The following SLX4IP variants were observed in gnomAD, a reference collection of about 807,000 sequenced individuals.
SLX4IP encodes SLX4 interacting protein.
A neutral mutation model predicts 32.9 loss-of-function variants in SLX4IP; 34 were observed. The observed-to-expected ratio is 1.03, with a 90% confidence interval of 0.79 to 1.38. The LOEUF is 1.38. SLX4IP is among the 40% of genes most tolerant of loss of function. The pLI is 0.00. For synonymous variants in SLX4IP, 172 were observed against 171.7 expected (o/e 1.00, Z -0.01); for missense variants, 444 against 479.0 (o/e 0.93, Z 0.68).
intron 2 of SLX4IP, among the ~76,000 whole-genome samples, chr20:10,503,487 G>A (rs568577269): frequency 6.6e-6 from 1 of 152,294 alleles, no homozygotes; most frequent in East Asian, 1.9e-4. Flanking sequence ...TGCCATGGGA[G>A]GATTTGATGT....
At chr20:10,473,216 C>T (rs1239541693) in intron 2 of SLX4IP, among the ~76,000 whole-genome samples, 2 of 152,140 alleles carry the variant, frequency 1.3e-5, no homozygotes, top group Non-Finnish European at 2.9e-5. Flanking sequence ...ATAGGTGAGA[C>T]TGGGCATGCA....
chr20:10,523,232 A>G (rs976988649), intron 2 of SLX4IP, among the ~76,000 whole-genome samples: 3 of 152,154 alleles, frequency 2.0e-5, no homozygotes, highest in Admixed American at 2.0e-4. Flanking sequence ...ACCACGAGAT[A>G]CTGTGACAGT....
chr20:10,610,759 T>TTGA (rs1480890853), intron 6 of SLX4IP, among the ~76,000 whole-genome samples: 2 of 152,266 alleles, frequency 1.3e-5, no homozygotes, highest in African/African-American at 4.8e-5. Flanking sequence ...CTCAGTTCCC[T>TTGA]TGAGTCAATA....
intron 2 of SLX4IP, among the ~76,000 whole-genome samples, chr20:10,495,863 G>A (rs2065662972): frequency 6.6e-6 from 1 of 151,916 alleles, no homozygotes; most frequent in East Asian, 1.9e-4. Context: ...CATTCTCTCT[G>A]ATAAGTGGCA....
chr20:10,594,899 T>TC (rs1248135484), intron 4 of SLX4IP, among the ~76,000 whole-genome samples: 1 of 152,154 alleles, frequency 6.6e-6, no homozygotes, highest in East Asian at 1.9e-4. Flanking sequence ...TGACCACCTC[T>TC]CCATTTTTTT....
At chr20:10,480,290 G>A (rs541267309) in intron 2 of SLX4IP, among the ~76,000 whole-genome samples, 173 of 152,122 alleles carry the variant, frequency 1.1e-3, no homozygotes, top group African/African-American at 4.1e-3. Context: ...AGCTACTGGG[G>A]GATTGGGGCC....
chr20:10,465,786 G>A lies in SLX4IP; in HGVS notation c.27+7555G>A, dbSNP rs545705734. ...ATTCCAAAGTGATGGGATTATAGGCGTGAGCCACTGTGCCCGGCCTACAAA... is the reference window on the plus strand; with the variant it reads ...ATTCCAAAGTGATGGGATTATAGGCATGAGCCACTGTGCCCGGCCTACAAA... On this transcript the variant is annotated intron_variant, in intron 2 of 7. Coordinates refer to ENST00000334534, the MANE Select transcript of SLX4IP (RefSeq NM_001009608.3). Among the ~76,000 whole-genome samples, 721 of 152,344 alleles carry A rather than the reference G, an allele frequency of 4.7e-3. 16 individuals are homozygous for A. The South Asian group carries it at 0.069, about 15-fold the overall frequency.
chr20:10,455,344 A>G (rs2065275939), intron 1 of SLX4IP, among the ~76,000 whole-genome samples: 2 of 152,086 alleles, frequency 1.3e-5, no homozygotes, highest in Non-Finnish European at 2.9e-5. Flanking sequence ...TAAGATTTTT[A>G]TAGTTTTAGC....
intron 4 of SLX4IP, among the ~76,000 whole-genome samples, chr20:10,573,738 G>T (rs1036432775): frequency 1.3e-5 from 2 of 152,206 alleles, no homozygotes; most frequent in African/African-American, 2.4e-5. Context: ...TTTACAAATA[G>T]AAGTGGATTT....
chr20:10,570,881 G>A (rs959247748), intron 4 of SLX4IP, among the ~76,000 whole-genome samples: 1 of 152,184 alleles, frequency 6.6e-6, no homozygotes, highest in East Asian at 1.9e-4. Context: ...CCAGGCCAGA[G>A]TGCAGTGGAA....
intron 2 of SLX4IP, 54 bp downstream of exon 2, chr20:10,458,285 C>G (rs2065305142): frequency 4.1e-6 from 6 of 1,470,844 alleles, no homozygotes; most frequent in Admixed American, 2.2e-5. Context: ...TCTAATATAA[C>G]TGAGCTCTGT....
intron 4 of SLX4IP, among the ~76,000 whole-genome samples, chr20:10,597,073 G>T (rs986918243): frequency 2.0e-5 from 3 of 152,238 alleles, no homozygotes; most frequent in Non-Finnish European, 4.4e-5. Context: ...ACAGCATCAA[G>T]TCTGTGGTCA....
chr20:10,465,676 T>G (rs1197765400), intron 2 of SLX4IP, among the ~76,000 whole-genome samples: 1 of 152,340 alleles, frequency 6.6e-6, no homozygotes, highest in South Asian at 2.1e-4. Flanking sequence ...CAGCTAATTT[T>G]TGTATTTTTA....
chr20:10,466,451 C>T (rs1163249390), intron 2 of SLX4IP, among the ~76,000 whole-genome samples: 1 of 152,128 alleles, frequency 6.6e-6, no homozygotes, highest in Middle Eastern at 3.2e-3. Context: ...TTCCCTTCCC[C>T]CCCAACCTAC....
At chr20:10,514,095 C>A (rs577696870) in intron 2 of SLX4IP, among the ~76,000 whole-genome samples, 2 of 152,280 alleles carry the variant, frequency 1.3e-5, no homozygotes, top group South Asian at 4.1e-4. Flanking sequence ...TGAGGACAGT[C>A]ATTTGGAGCT....
intron 2 of SLX4IP, among the ~76,000 whole-genome samples, chr20:10,544,224 C>A (rs1374516769): frequency 6.6e-6 from 1 of 152,116 alleles, no homozygotes; most frequent in Non-Finnish European, 1.5e-5. Flanking sequence ...CTTTCTGTTT[C>A]TTCCTAAGGC....
intron 4 of SLX4IP, among the ~76,000 whole-genome samples, chr20:10,567,513 C>T (rs2066410653): frequency 6.6e-6 from 1 of 152,108 alleles, no homozygotes; most frequent in Non-Finnish European, 1.5e-5. Context: ...CCTGCTGGTG[C>T]CTGGTGCCTT....
intron 4 of SLX4IP, among the ~76,000 whole-genome samples, chr20:10,570,020 G>A (rs2066443997): frequency 6.6e-6 from 1 of 152,194 alleles, no homozygotes; most frequent in Admixed American, 6.5e-5. Context: ...TAGAGTCTAA[G>A]TATGTTCTCC....
At position 10,556,284 on chromosome 20, in the gene SLX4IP, CAA is replaced by C. The variant is rs781226875; in HGVS notation, c.83_84del (p.Lys28ArgfsTer7). On this transcript the variant is annotated frameshift_variant, in exon 3 of 8. Transcript: ENST00000334534. LOFTEE classifies it high-confidence loss of function. ...DLHILPQGSN[K>X]DTSWFSEQKK... The stretch of plus-strand genomic sequence containing the variant: ...TTCATATCTTGCCACAAGGTTCAAA[CAA>C]AGATACAAGCTGGTTTTCTGAACAG... 3 of 1,613,220 alleles carry C rather than the reference CAA, an allele frequency of 1.9e-6. No homozygotes were observed. Among genetic ancestry groups the C allele is most frequent in the Non-Finnish European group, 1.7e-6 (2 of 1,179,732 alleles).
Sources: allele counts gnomAD v4.1 joint callset (sites outside exome capture counted in the v4.1 genomes callset), GRCh38; gene constraint gnomAD v4.1.1; transcripts MANE v1.5; gene names NCBI Gene and HGNC (gene_info 2026-07-23, HGNC 2026-07-21).